KCNMA1: variants seen among roughly 807,000 people sequenced by gnomAD.
KCNMA1 encodes the protein potassium calcium-activated channel subfamily M alpha 1, also known as Calcium-activated potassium channel subunit alpha-1.
KCNMA1 carries 29 observed loss-of-function variants against 140.0 expected under a neutral mutation model. The ratio of observed to expected loss-of-function variants is 0.21; its 90% CI spans 0.15 to 0.28. KCNMA1 has a LOEUF of 0.28. Among genes scored for constraint, KCNMA1 ranks in the 10% least tolerant of loss-of-function variants. The pLI, the probability that KCNMA1 is intolerant of heterozygous loss-of-function variation, is 1.00. For missense variants in KCNMA1, 880 were observed against 1,602.2 expected (o/e 0.55, Z 7.70); for synonymous variants, 612 against 611.9 (o/e 1.00, Z 0.00).
intron 1 of KCNMA1, among the ~76,000 whole-genome samples, chr10:77,497,409 G>A (rs148410972): frequency 3.0e-4 from 46 of 152,260 alleles, no homozygotes; most frequent in African/African-American, 1.1e-3. Flanking sequence ...ACTGGAAGTC[G>A]ATGCCCCTTG....
In KCNMA1 at chr10:77,251,669, T is replaced by TTATAATAA. The variant is rs2059685117; in HGVS notation, c.541-414_541-413insTTATTATA. 2.0e-5 allele frequency among the ~76,000 whole-genome samples: 3 copies of TTATAATAA among 152,294 alleles called. No homozygotes were observed. The South Asian group carries it at 6.2e-4, about 32-fold the overall frequency. On this transcript the variant is annotated intron_variant, in intron 2 of 27. Transcript: ENST00000286628. Reference sequence around the variant, plus strand: ...TAGAGGAATATCAACTTTAACAGCTTCATTGAGGCATAATTTACATACCAC... The same window carrying TTATAATAA: ...TAGAGGAATATCAACTTTAACAGCTTTATAATAACATTGAGGCATAATTTACATACCAC...
At chr10:77,196,981 T>C (rs1392610489) in intron 3 of KCNMA1, among the ~76,000 whole-genome samples, 1 of 151,598 alleles carries the variant, frequency 6.6e-6, no homozygotes, top group Non-Finnish European at 1.5e-5. Context: ...TTAAAAAAAA[T>C]AAGGAAAAGA....
At chr10:77,025,240 G>GTATATATATATATATATATATATATATA (rs1384161555) in intron 16 of KCNMA1, among the ~76,000 whole-genome samples, 2 of 65,370 alleles carry the variant, frequency 3.1e-5, no homozygotes, top group African/African-American at 1.1e-4. Flanking sequence ...AGGGGTGTGT[G>GTATATATATATATATATATATATATATA]TGTATATATA....
chr10:77,243,200 C>T (rs1468901010), intron 3 of KCNMA1, among the ~76,000 whole-genome samples: 2 of 151,936 alleles, frequency 1.3e-5, no homozygotes, highest in East Asian at 3.9e-4. Flanking sequence ...CCACTCCACA[C>T]ACCACACCAC....
rs554843494 is a variant in KCNMA1 at position 77,043,546 on chromosome 10, T to C, written c.1750-3909A>G. On this transcript the variant is annotated intron_variant, in intron 14 of 27. Coordinates refer to ENST00000286628, the MANE Select transcript of KCNMA1 (RefSeq NM_001161352.2). Reference sequence around the variant, plus strand: ...TCTCAAAGAGATATTTGTACACTCATGCTCACAGCAGCATTAGTCATAATA... The same window carrying C: ...TCTCAAAGAGATATTTGTACACTCACGCTCACAGCAGCATTAGTCATAATA... Among the ~76,000 whole-genome samples the C allele has an allele frequency of 7.2e-5, 11 of 152,318 alleles. No homozygotes were observed. In the South Asian group the frequency reaches 2.3e-3, roughly 32 times the overall value.
intron 5 of KCNMA1, among the ~76,000 whole-genome samples, chr10:77,180,501 T>A (rs2098794701): frequency 6.6e-6 from 1 of 152,184 alleles, no homozygotes. Context: ...GGAAAGAGGT[T>A]TTTTTATTTT....
downstream of KCNMA1, chr10:76,884,188 A>G (rs1349844641): frequency 6.4e-6 from 1 of 155,890 alleles, no homozygotes; most frequent in Non-Finnish European, 1.4e-5. Context: ...TCTGAAAGGC[A>G]GCTGGCAGGA....
intron 1 of KCNMA1, among the ~76,000 whole-genome samples, chr10:77,550,608 G>A (rs905579361): frequency 2.6e-5 from 4 of 152,204 alleles, no homozygotes; most frequent in Non-Finnish European, 4.4e-5. Flanking sequence ...AGGCGTCTCG[G>A]CAGACTCAGG....
At chr10:77,350,043 C>T (rs562060347) in intron 2 of KCNMA1, among the ~76,000 whole-genome samples, 114 of 152,222 alleles carry the variant, frequency 7.5e-4, no homozygotes, top group Admixed American at 1.6e-3. Context: ...GGACTACAGG[C>T]GCCTGCCACC....
chr10:76,956,649 T>C (rs535500094), intron 20 of KCNMA1, among the ~76,000 whole-genome samples: 3 of 152,042 alleles, frequency 2.0e-5, no homozygotes, highest in East Asian at 1.9e-4. Context: ...TAAGATAAAG[T>C]CCCTAGTCAA....
chr10:77,242,689 T>C (rs999131380), intron 3 of KCNMA1, among the ~76,000 whole-genome samples: 2 of 152,162 alleles, frequency 1.3e-5, no homozygotes, highest in Non-Finnish European at 2.9e-5. Context: ...TCTAGCATTA[T>C]ACATAAGTAC....
intron 1 of KCNMA1, among the ~76,000 whole-genome samples, chr10:77,585,960 A>T (rs2077165630): frequency 6.6e-6 from 1 of 152,252 alleles, no homozygotes; most frequent in South Asian, 2.1e-4. Flanking sequence ...CCCATGAGCC[A>T]GAATGGCTTT....
intron 1 of KCNMA1, among the ~76,000 whole-genome samples, chr10:77,452,591 G>A (rs2097684199): frequency 6.6e-6 from 1 of 152,204 alleles, no homozygotes; most frequent in Admixed American, 6.5e-5. Context: ...GGAAAATCCT[G>A]TCAGGGAAGT....
At chr10:77,422,146 A>G (rs1185019152) in intron 1 of KCNMA1, among the ~76,000 whole-genome samples, 1 of 152,246 alleles carries the variant, frequency 6.6e-6, no homozygotes, top group Non-Finnish European at 1.5e-5. Context: ...AACCCAAAAT[A>G]TCTGCCAGTG....
intron 1 of KCNMA1, among the ~76,000 whole-genome samples, chr10:77,420,432 C>T (rs1381312985): frequency 1.3e-5 from 2 of 152,224 alleles, no homozygotes; most frequent in Non-Finnish European, 2.9e-5. Flanking sequence ...GAAGCCTCTC[C>T]AGACCTCTTC....
intron 1 of KCNMA1, among the ~76,000 whole-genome samples, chr10:77,540,373 T>A (rs549555074): frequency 6.6e-6 from 1 of 152,340 alleles, no homozygotes; most frequent in South Asian, 2.1e-4. Flanking sequence ...CATTGAATAA[T>A]CAGTATAACA....
chr10:77,087,145 G>C (rs1342431003), intron 10 of KCNMA1, among the ~76,000 whole-genome samples: 1 of 152,110 alleles, frequency 6.6e-6, no homozygotes, highest in Non-Finnish European at 1.5e-5. Context: ...GCTTGAACTG[G>C]GCATCTCTTG....
intron 1 of KCNMA1, among the ~76,000 whole-genome samples, chr10:77,488,778 G>A (rs540738037): frequency 1.4e-3 from 207 of 152,164 alleles, no homozygotes; most frequent in Middle Eastern, 6.8e-3. Flanking sequence ...CAGTAGAAGT[G>A]CAGAGGACAC....
Position 76,885,875 on chromosome 10 carries a change from C to T in KCNMA1, c.*1391G>A, listed in dbSNP as rs2036669129. Reference sequence around the variant, plus strand: ...ACAAAAGAAGAAAAAAATAACTATACCAAAATGTGTTTGGCTCACTGTTGC... The same window carrying T: ...ACAAAAGAAGAAAAAAATAACTATATCAAAATGTGTTTGGCTCACTGTTGC... On this transcript the variant is annotated 3_prime_UTR_variant, in exon 28 of 28. Coordinates refer to ENST00000286628, the MANE Select transcript of KCNMA1 (RefSeq NM_001161352.2). The T allele has an allele frequency of 2.0e-6, 2 of 985,222 alleles. No individual in the cohort carries two copies. The highest frequency in any genetic ancestry group is 2.4e-6 in the Non-Finnish European group (2 of 829,770). 61.0% of individuals were successfully genotyped at this position (985,222 alleles called of 1,614,324 possible). A position where few individuals can be genotyped will look rare whatever the true frequency, so the allele number is the denominator to read the frequency against.
Sources: allele counts gnomAD v4.1 joint callset (sites outside exome capture counted in the v4.1 genomes callset), GRCh38; gene constraint gnomAD v4.1.1; transcripts MANE v1.5; gene names NCBI Gene and HGNC (gene_info 2026-07-23, HGNC 2026-07-21).